The following CDH18 variants were observed in gnomAD, a reference collection of about 807,000 sequenced individuals.
CDH18 encodes cadherin-18.
Under a neutral mutation model 67.9 loss-of-function variants are expected in CDH18, and 31 were observed. That is an observed-to-expected ratio of 0.46 (90% CI 0.34 to 0.62). CDH18 has a LOEUF of 0.62. CDH18 is among the 20% of genes least tolerant of loss of function. The pLI, the probability that CDH18 is intolerant of heterozygous loss-of-function variation, is 0.01. For synonymous variants in CDH18, 362 were observed against 347.2 expected (o/e 1.04, Z -0.48); for missense variants, 890 against 975.5 (o/e 0.91, Z 1.17).
chr5:20,082,962 C>T (rs557618578), intron 2 of CDH18, among the ~76,000 whole-genome samples: 130 of 152,254 alleles, frequency 8.5e-4, no homozygotes, highest in Non-Finnish European at 1.3e-3. Flanking sequence ...AGTAAATATT[C>T]GTGATCCAAA....
chr5:19,997,683 G>A (rs1217423656), intron 2 of CDH18, among the ~76,000 whole-genome samples: 1 of 152,118 alleles, frequency 6.6e-6, no homozygotes, highest in Non-Finnish European at 1.5e-5. Flanking sequence ...TCAACTGATT[G>A]CAGGTCAACC....
chr5:19,994,333 T>A lies in CDH18; in HGVS notation c.-517-2319A>T, dbSNP rs563523666. ...TATATGTATACATATATACATATATTTATACACCTCTCTATCCCCTTAGTT... is the reference window on the plus strand; with the variant it reads ...TATATGTATACATATATACATATATATATACACCTCTCTATCCCCTTAGTT... On this transcript the variant is annotated intron_variant, in intron 2 of 14. Coordinates refer to the CDH18 transcript ENST00000507958. 1.9e-3 allele frequency among the ~76,000 whole-genome samples: 267 copies of A among 137,426 alleles called. 1 individual carries two copies. Among genetic ancestry groups the A allele is most frequent in the African/African-American group, 8.0e-3 (252 of 31,356 alleles). The allele number at this position is 137,426 out of a possible 152,430, so 90.2% of individuals were successfully genotyped here.
At chr5:20,335,428 A>C (rs1739635516) in intron 1 of CDH18, among the ~76,000 whole-genome samples, 1 of 151,790 alleles carries the variant, frequency 6.6e-6, no homozygotes, top group African/African-American at 2.4e-5. Context: ...ATTTTTGTGG[A>C]GACAGGGTCT....
At chr5:19,742,451 ATT>A (rs201341515) in intron 4 of CDH18, among the ~76,000 whole-genome samples, 1 of 150,946 alleles carries the variant, frequency 6.6e-6, no homozygotes, top group African/African-American at 2.4e-5. Context: ...AAGCTGGACT[ATT>A]TTTTTTTAAT....
At chr5:19,981,531 G>C (rs1281531964) in intron 1 of CDH18, among the ~76,000 whole-genome samples, 1 of 152,152 alleles carries the variant, frequency 6.6e-6, no homozygotes, top group Non-Finnish European at 1.5e-5. Context: ...TGTGGCAAGA[G>C]GAAGTGAACC....
intron 5 of CDH18, among the ~76,000 whole-genome samples, chr5:19,667,143 A>G (rs2150335084): frequency 6.6e-6 from 1 of 151,928 alleles, no homozygotes; most frequent in East Asian, 1.9e-4. Flanking sequence ...AGCAATTAAA[A>G]TTTCAGCTAA....
rs532028798 is a variant in CDH18 at position 20,399,649 on chromosome 5, C to T, written c.-579-144144G>A. Among the ~76,000 whole-genome samples, 4 of 152,164 alleles carry T rather than the reference C, an allele frequency of 2.6e-5. No individual in the cohort carries two copies. The South Asian group carries it at 8.3e-4, about 32-fold the overall frequency. ...AGATATTAAGAGTATAAATAATATC[C>T]TAGCATTCAGACATTCAATAAATAT... On this transcript the variant is annotated intron_variant, in intron 1 of 14. Transcript: ENST00000507958.
At chr5:19,478,139 T>G (rs1298015139) in intron 12 of CDH18, among the ~76,000 whole-genome samples, 1 of 152,184 alleles carries the variant, frequency 6.6e-6, no homozygotes, top group Non-Finnish European at 1.5e-5. Flanking sequence ...TATTTTTTCC[T>G]ATATATTATG....
intron 2 of CDH18, among the ~76,000 whole-genome samples, chr5:20,125,062 A>C (rs1748701961): frequency 6.6e-6 from 1 of 152,176 alleles, no homozygotes. Flanking sequence ...TCTACATTGA[A>C]TTTTTAAAGT....
intron 5 of CDH18, among the ~76,000 whole-genome samples, chr5:19,689,659 A>G (rs1237423689): frequency 1.3e-5 from 2 of 151,952 alleles, no homozygotes; most frequent in Non-Finnish European, 2.9e-5. Context: ...ACCACTACAA[A>G]AAAACCACCA....
At chr5:19,476,201 C>T (rs1307254200) in intron 12 of CDH18, among the ~76,000 whole-genome samples, 7 of 151,816 alleles carry the variant, frequency 4.6e-5, no homozygotes, top group African/African-American at 7.3e-5. Flanking sequence ...CATCCAGAAA[C>T]GTGTGAAATG....
intron 1 of CDH18, among the ~76,000 whole-genome samples, chr5:20,421,233 C>T (rs1357641534): frequency 6.6e-6 from 1 of 151,066 alleles, no homozygotes; most frequent in Non-Finnish European, 1.5e-5. Context: ...TGAGGAGCAG[C>T]TTAAAAGCTC....
At chr5:20,443,207 C>CTCAAAAAAA (rs1491460573) in intron 1 of CDH18, among the ~76,000 whole-genome samples, 1,542 of 25,064 alleles carry the variant, frequency 0.062, 186 homozygotes, top group Middle Eastern at 0.12. Context: ...GAGACTCCGT[C>CTCAAAAAAA]ACAAAAAAAA....
At chr5:20,064,013 T>G (rs1339141346) in intron 2 of CDH18, among the ~76,000 whole-genome samples, 1 of 152,208 alleles carries the variant, frequency 6.6e-6, no homozygotes, top group Non-Finnish European at 1.5e-5. Flanking sequence ...TGCATATGAT[T>G]TATTTGTGTT....
chr5:20,152,071 C>T (rs1751156703), intron 2 of CDH18, among the ~76,000 whole-genome samples: 1 of 146,328 alleles, frequency 6.8e-6, no homozygotes, highest in Non-Finnish European at 1.5e-5. Flanking sequence ...GGTAAGAGAG[C>T]AATTATATAT....
intron 5 of CDH18, among the ~76,000 whole-genome samples, chr5:19,621,720 G>A (rs1750744144): frequency 6.6e-6 from 1 of 152,158 alleles, no homozygotes; most frequent in South Asian, 2.1e-4. Flanking sequence ...AGATTTAGAT[G>A]TGCAAGATGA....
At chr5:20,504,384 T>A (rs1359344882) in intron 1 of CDH18, among the ~76,000 whole-genome samples, 1 of 152,222 alleles carries the variant, frequency 6.6e-6, no homozygotes, top group African/African-American at 2.4e-5. Context: ...GGCATATGTG[T>A]GTGTTTGTGT....
rs1388152821 is a variant in CDH18, at chr5:19,540,022, T to A, written c.1390+3847A>T. 3.9e-5 allele frequency among the ~76,000 whole-genome samples: 6 copies of A among 152,164 alleles called. 1 individual carries two copies. The highest frequency in any genetic ancestry group is 7.2e-5 in the African/African-American group (3 of 41,440). ...CAAAAGTTCACAGTCCAAAGTCTTA[T>A]CTGAGACAAAGCAAGTCCCTTCTGC... On this transcript the variant is annotated intron_variant, in intron 9 of 12. Transcript: ENST00000382275.
intron 8 of CDH18, among the ~76,000 whole-genome samples, chr5:19,565,416 G>C (rs1326944281): frequency 6.6e-6 from 1 of 152,266 alleles, no homozygotes; most frequent in East Asian, 1.9e-4. Flanking sequence ...GTAATCCAGG[G>C]AATTATCTTA....
Sources: allele counts gnomAD v4.1 joint callset (sites outside exome capture counted in the v4.1 genomes callset), GRCh38; gene constraint gnomAD v4.1.1; transcripts MANE v1.5; gene names NCBI Gene and HGNC (gene_info 2026-07-23, HGNC 2026-07-21).